ERC2: variants seen among roughly 807,000 people sequenced by gnomAD.
The protein encoded by ERC2 is ERC protein 2.
Under a neutral mutation model 114.8 loss-of-function variants are expected in ERC2, and 42 were observed. That is an observed-to-expected ratio of 0.37 (90% confidence interval 0.29 to 0.47). ERC2 has a LOEUF of 0.47. Among genes scored for constraint, ERC2 ranks in the 20% least tolerant of loss-of-function variants. The pLI is 0.99. For missense variants in ERC2, 939 were observed against 1,150.7 expected (o/e 0.82, Z 2.66); for synonymous variants, 454 against 425.5 (o/e 1.07, Z -0.82).
chr3:56,251,512 G>A (rs2052152327), intron 3 of ERC2, among the ~76,000 whole-genome samples: 2 of 152,034 alleles, frequency 1.3e-5, no homozygotes, highest in South Asian at 4.1e-4. Flanking sequence ...CTGGCAAGAA[G>A]AAAAAAATAA....
At chr3:55,909,130 AG>A (rs1169284174) in intron 13 of ERC2, among the ~76,000 whole-genome samples, 4 of 152,208 alleles carry the variant, frequency 2.6e-5, no homozygotes, top group Admixed American at 1.3e-4. Context: ...TCAAACAGGA[AG>A]TCAGTCTAAT....
At chr3:55,950,583 G>T (rs369950905) in intron 12 of ERC2, 23 bp from the exon 13 acceptor site, 2 of 1,613,416 alleles carry the variant, frequency 1.2e-6, no homozygotes, top group Non-Finnish European at 1.7e-6. Flanking sequence ...AGCACAGCTT[G>T]GTTAAATTCT....
At chr3:55,903,953 C>A (rs954212256) in intron 13 of ERC2, among the ~76,000 whole-genome samples, 1 of 152,236 alleles carries the variant, frequency 6.6e-6, no homozygotes, top group Non-Finnish European at 1.5e-5. Flanking sequence ...GAACAGAGGG[C>A]AGCCCAGGAA....
intron 12 of ERC2, among the ~76,000 whole-genome samples, chr3:55,961,538 A>T (rs2068363707): frequency 6.6e-6 from 1 of 151,960 alleles, no homozygotes; most frequent in Non-Finnish European, 1.5e-5. Flanking sequence ...GATCACACCT[A>T]CCTTCTTGTC....
intron 17 of ERC2, among the ~76,000 whole-genome samples, chr3:55,594,001 C>T (rs1170679305): frequency 6.6e-6 from 1 of 152,182 alleles, no homozygotes; most frequent in Non-Finnish European, 1.5e-5. Flanking sequence ...CAGCCTTCTT[C>T]ATCCTCACCC....
intron 14 of ERC2, among the ~76,000 whole-genome samples, chr3:55,858,980 A>G (rs1030474144): frequency 1.3e-5 from 2 of 152,110 alleles, no homozygotes; most frequent in African/African-American, 4.8e-5. Flanking sequence ...CAAAGAACTG[A>G]CCTGGCTCCT....
At chr3:55,681,227 G>A (rs1344853439) in intron 17 of ERC2, among the ~76,000 whole-genome samples, 1 of 152,200 alleles carries the variant, frequency 6.6e-6, no homozygotes, top group Non-Finnish European at 1.5e-5. Context: ...GGGAGGAGCT[G>A]ATGGGGTTGT....
intron 17 of ERC2, among the ~76,000 whole-genome samples, chr3:55,654,965 A>G (rs1031481751): frequency 1.3e-5 from 2 of 152,140 alleles, no homozygotes; most frequent in Non-Finnish European, 2.9e-5. Flanking sequence ...CCATTCTTGC[A>G]TGCCTTTGCC....
intron 3 of ERC2, among the ~76,000 whole-genome samples, chr3:56,195,476 G>T (rs1575775233): frequency 7.3e-6 from 1 of 136,578 alleles, no homozygotes. Context: ...TATGTTTAGG[G>T]ATGTGTTTGT....
At chr3:55,758,341 A>G (rs980708302) in intron 14 of ERC2, among the ~76,000 whole-genome samples, 1 of 152,210 alleles carries the variant, frequency 6.6e-6, no homozygotes, top group Non-Finnish European at 1.5e-5. Context: ...CCCAACTCCA[A>G]ACTATGCACA....
chr3:56,461,038 C>G (rs1393127946), intron 1 of ERC2, among the ~76,000 whole-genome samples: 1 of 130,234 alleles, frequency 7.7e-6, no homozygotes, highest in Non-Finnish European at 1.6e-5. Context: ...GTGCACTATA[C>G]AATATGTCTT....
At chr3:55,722,622 T>C (rs762876135) in intron 15 of ERC2, among the ~76,000 whole-genome samples, 1 of 152,224 alleles carries the variant, frequency 6.6e-6, no homozygotes, top group Non-Finnish European at 1.5e-5. Flanking sequence ...AATTGTCTGT[T>C]TTGTTCACTG....
chr3:56,033,647 T>G (rs2074613540), intron 7 of ERC2, among the ~76,000 whole-genome samples: 1 of 152,242 alleles, frequency 6.6e-6, no homozygotes. Flanking sequence ...TTGCCAAGTA[T>G]AGTATTCTTG....
Position 56,296,209 on chromosome 3 carries a change from T to C in ERC2, c.884A>G (p.Lys295Arg). 1 of 1,613,994 alleles carries C rather than the reference T, an allele frequency of 6.2e-7. No individual in the cohort carries two copies. The highest frequency in any genetic ancestry group is 8.5e-7 in the Non-Finnish European group (1 of 1,179,876). Residue 295 changes from lysine to arginine, a missense_variant, in exon 3 of 18, where the codon AAA becomes AGA. This residue lies in a region of ERC2 where 33 missense variants were observed against 75.6 expected (regional missense o/e 0.44). Coordinates refer to ENST00000288221, the MANE Select transcript of ERC2 (RefSeq NM_015576.3). ...CTCATCTCGGGCATTGAGGGTTTGTTTCTGCGTTTCAATTCTCAGCTCCAT... is the reference window on the plus strand; with the variant it reads ...CTCATCTCGGGCATTGAGGGTTTGTCTCTGCGTTTCAATTCTCAGCTCCAT... ...EEMELRIETQ[K>R]QTLNARDESI...
intron 3 of ERC2, among the ~76,000 whole-genome samples, chr3:56,257,188 C>T (rs960449768): frequency 2.6e-5 from 4 of 152,136 alleles, no homozygotes; most frequent in Non-Finnish European, 5.9e-5. Context: ...CTTCCGGACA[C>T]CTCCAGATGA....
intron 17 of ERC2, among the ~76,000 whole-genome samples, chr3:55,662,126 A>C (rs566158796): frequency 1.3e-5 from 2 of 152,348 alleles, no homozygotes; most frequent in South Asian, 4.1e-4. Context: ...TGGGAAACTC[A>C]AGACTCAGAT....
At chr3:55,733,538 T>TCACACACACA (rs1196908352) in intron 15 of ERC2, among the ~76,000 whole-genome samples, 75 of 74,236 alleles carry the variant, frequency 1.0e-3, no homozygotes, top group Non-Finnish European at 1.7e-3. Flanking sequence ...TCTTTCTCTC[T>TCACACACACA]CTCTCACACA....
At chr3:56,396,428 C>A (rs552190032) in intron 2 of ERC2, among the ~76,000 whole-genome samples, 12 of 152,202 alleles carry the variant, frequency 7.9e-5, no homozygotes, top group African/African-American at 2.9e-4. Flanking sequence ...GCCTGGGCAA[C>A]AAAGCAAGAT....
intron 2 of ERC2, among the ~76,000 whole-genome samples, chr3:56,382,017 G>C (rs577825146): frequency 6.6e-6 from 1 of 151,952 alleles, no homozygotes; most frequent in East Asian, 1.9e-4. Context: ...CTCCTTCAAA[G>C]CTTCAGCACC....
Sources: allele counts gnomAD v4.1 joint callset (sites outside exome capture counted in the v4.1 genomes callset), GRCh38; gene constraint gnomAD v4.1.1; regional missense constraint gnomAD v4.1.1; transcripts MANE v1.5; gene names NCBI Gene and HGNC (gene_info 2026-07-23, HGNC 2026-07-21).